CDH23: variants seen among roughly 807,000 people sequenced by gnomAD.
CDH23 encodes cadherin related 23, also known as cadherin-23.
In CDH23, 189 loss-of-function variants were observed where a neutral mutation model predicts 317.1. The ratio of observed to expected loss-of-function variants is 0.60; its 90% CI spans 0.53 to 0.67. CDH23 has a LOEUF of 0.67. Ranked by LOEUF, CDH23 falls within the 30% of genes least tolerant of loss-of-function variation. The probability of loss-of-function intolerance (pLI) is 0.00; values close to 1 mark genes in which losing one functional copy is unlikely to be tolerated. For synonymous variants in CDH23, 1,839 were observed against 1,876.8 expected, an observed-to-expected ratio of 0.98 and a Z score of 0.52; for missense variants, 4,401 against 4,592.4, an observed-to-expected ratio of 0.96 and a Z score of 1.20.
intron 14 of CDH23, among the ~76,000 whole-genome samples, chr10:71,656,611 G>A (rs1863428167): frequency 6.6e-6 from 1 of 152,188 alleles, no homozygotes; most frequent in South Asian, 2.1e-4. Flanking sequence ...GGAGTGCCAG[G>A]GCTGGGGTTG....
At chr10:71,715,614 C>A (rs1866179179) in intron 28 of CDH23, 2 of 246,570 alleles carry the variant, frequency 8.1e-6, no homozygotes, top group Non-Finnish European at 1.5e-5. Context: ...GAGGGTGCTG[C>A]TTCTAGGAGG....
chr10:71,790,220 A>T, intron 45 of CDH23, 68 bp from the exon 46 acceptor site: 1 of 1,579,850 alleles, frequency 6.3e-7, no homozygotes, highest in South Asian at 1.1e-5. Flanking sequence ...TCACCGGGAC[A>T]GGGCAGGGGA....
rs764824311 is a variant in CDH23 at position 71,511,002 on chromosome 10, G to A, written c.336+1G>A. On this transcript the variant is annotated splice_donor_variant, in intron 5 of 69. Transcript: ENST00000224721. LOFTEE classifies it high-confidence loss of function. ...GTTCTCTGTCAGCGACCACCAGGGGGTGAGTGTTCCCTGGGGCCCTGGAGG... is the reference window on the plus strand; with the variant it reads ...GTTCTCTGTCAGCGACCACCAGGGGATGAGTGTTCCCTGGGGCCCTGGAGG... 2.4e-5 allele frequency: 39 copies of A among 1,613,754 alleles called. No individual in the cohort carries two copies. Among genetic ancestry groups the A allele is most frequent in the Non-Finnish European group, 2.7e-5 (32 of 1,179,696 alleles).
At chr10:71,728,190 C>A (rs78865428) in intron 30 of CDH23, among the ~76,000 whole-genome samples, 5,321 of 151,960 alleles carry the variant, frequency 0.035, 170 homozygotes, top group Non-Finnish European at 0.049. Context: ...CATGCAAACT[C>A]CCCCCCGCAC....
intron 1 of CDH23, among the ~76,000 whole-genome samples, chr10:71,402,609 TTA>T (rs930087744): frequency 6.6e-6 from 1 of 152,248 alleles, no homozygotes; most frequent in African/African-American, 2.4e-5. Flanking sequence ...TTTGACTTAC[TTA>T]TATGTTAGGC....
At chr10:71,661,923 C>T (rs1332188873) in intron 14 of CDH23, among the ~76,000 whole-genome samples, 1 of 139,152 alleles carries the variant, frequency 7.2e-6, no homozygotes, top group Non-Finnish European at 1.6e-5. Context: ...TTCCACCCTG[C>T]GCGCCTCCTC....
chr10:71,610,370 T>G (rs1471917830), intron 9 of CDH23, among the ~76,000 whole-genome samples: 2 of 152,242 alleles, frequency 1.3e-5, no homozygotes, highest in African/African-American at 2.4e-5. Flanking sequence ...GATGATCTCT[T>G]ATTTGCCTCA....
rs374545987 is a variant in CDH23 at position 71,617,241 on chromosome 10, G to A, written c.982G>A (p.Ala328Thr). The change falls in exon 11 of 70, where the codon GCT (alanine) becomes ACT (threonine). Residue 328 changes from alanine (A) to threonine (T), a missense_variant. Ala to Thr is a moderately conservative substitution (Grantham distance 58). Around this residue, in one of 3 missense-constraint regions of CDH23, gnomAD observed 3,068 missense variants for 3,203.3 expected, o/e 0.96. Transcript: ENST00000224721. ...ELNDDRTPSD[A>T]TVTTTFNILV... Reference sequence around the variant, plus strand: ...GAACGATGACCGCACCCCATCTGACGCTACAGTCACCACGACCTTCAATAT... The same window carrying A: ...GAACGATGACCGCACCCCATCTGACACTACAGTCACCACGACCTTCAATAT... 77 of 1,613,924 alleles carry A rather than the reference G, an allele frequency of 4.8e-5. No homozygotes were observed. The East Asian group carries it at 6.9e-4, about 14-fold the overall frequency.
At chr10:71,603,796 A>C (rs1860375416) in intron 9 of CDH23, among the ~76,000 whole-genome samples, 1 of 152,228 alleles carries the variant, frequency 6.6e-6, no homozygotes, top group Non-Finnish European at 1.5e-5. Context: ...CTTAGTAACC[A>C]TGTATCCTTG....
chr10:71,730,659 G>C (rs936515568), intron 31 of CDH23, 55 bp downstream of exon 31: 12 of 1,603,122 alleles, frequency 7.5e-6, no homozygotes, highest in African/African-American at 1.3e-5. Context: ...AACCTCCCCA[G>C]CTCACCCAGC....
At chr10:71,605,972 C>T (rs1224233538) in intron 9 of CDH23, among the ~76,000 whole-genome samples, 1 of 152,224 alleles carries the variant, frequency 6.6e-6, no homozygotes, top group Non-Finnish European at 1.5e-5. Context: ...AAAACATCCT[C>T]AGAGGACCAG....
At chr10:71,798,252 G>A (rs1022158270) in intron 49 of CDH23, 102 bp from the exon 50 acceptor site, 22 of 819,138 alleles carry the variant, frequency 2.7e-5, no homozygotes, top group Non-Finnish European at 4.5e-5. Flanking sequence ...GGGGGGCTGT[G>A]GGATGCTGCC....
intron 31 of CDH23, among the ~76,000 whole-genome samples, chr10:71,730,835 A>G (rs916378023): frequency 2.6e-5 from 4 of 152,286 alleles, no homozygotes; most frequent in African/African-American, 7.2e-5. Flanking sequence ...GACAGAGGGG[A>G]GGCCACAAGC....
chr10:71,518,263 C>T (rs1854455870), intron 6 of CDH23, among the ~76,000 whole-genome samples: 1 of 152,202 alleles, frequency 6.6e-6, no homozygotes, highest in African/African-American at 2.4e-5. Flanking sequence ...GATAGACCTG[C>T]AGCATGTTCC....
intron 53 of CDH23, among the ~76,000 whole-genome samples, chr10:71,802,160 T>C (rs1409973432): frequency 6.6e-6 from 1 of 152,034 alleles, no homozygotes; most frequent in Non-Finnish European, 1.5e-5. Flanking sequence ...ATACAAAAAT[T>C]AGCCAGGCAT....
rs1227065 is a variant in CDH23 at position 71,732,322 on chromosome 10, A to G, written c.4051A>G (p.Asn1351Asp). 1,290,804 of 1,599,966 alleles carry G rather than the reference A, an allele frequency of 0.81. 521,105 individuals carry two copies. Among genetic ancestry groups the G allele is most frequent in the East Asian group, 0.83 (36,711 of 44,158 alleles). ...DNLNQITYRFNAYTSTQAKAL... is the reference protein window; with the variant it reads ...DNLNQITYRFDAYTSTQAKAL... Reference sequence around the variant, plus strand: ...CCTCAACCAAATCACGTACCGCTTCAACGCCTACACCAGCACCCAGGCCAA... The same window carrying G: ...CCTCAACCAAATCACGTACCGCTTCGACGCCTACACCAGCACCCAGGCCAA... Residue 1351 changes from asparagine to aspartate, a missense_variant, in exon 32 of 70, where the codon AAC becomes GAC. By Grantham distance (23) the Asn-to-Asp change is conservative. Transcript: ENST00000224721.
At chr10:71,443,907 G>T (rs1194975748) in intron 2 of CDH23, among the ~76,000 whole-genome samples, 1 of 152,278 alleles carries the variant, frequency 6.6e-6, no homozygotes, top group Non-Finnish European at 1.5e-5. Context: ...GGCGACCCAC[G>T]TCCCGGAGTC....
In CDH23 at chr10:71,694,179, G is replaced by C. The variant is rs1176503468; in HGVS notation, c.2209G>C (p.Glu737Gln). 6.2e-7 allele frequency: 1 copy of C among 1,613,656 alleles called. No individual in the cohort carries two copies. Among genetic ancestry groups the C allele is most frequent in the Non-Finnish European group, 8.5e-7 (1 of 1,179,886 alleles). Residue 737 changes from glutamate to glutamine, a missense_variant, in exon 21 of 70, where the codon GAG (glutamate) becomes CAG (glutamine). This residue lies in a region of CDH23 where 3,068 missense variants were observed against 3,203.3 expected (regional missense o/e 0.96). Coordinates refer to ENST00000224721, the MANE Select transcript of CDH23 (RefSeq NM_022124.6). The part of the protein sequence containing the change: ...EITTTSLLDR[E>Q]TKSEYILIVR... ...CACCACCACGTCTCTGCTTGACCGA[G>C]AGACCAAGTCTGAATACATCCTCAT...
chr10:71,549,121 T>C (rs1856445227), intron 6 of CDH23, among the ~76,000 whole-genome samples: 1 of 152,166 alleles, frequency 6.6e-6, no homozygotes, highest in South Asian at 2.1e-4. Flanking sequence ...TCAGCCAGGA[T>C]CTGACCCCTG....
Sources: allele counts gnomAD v4.1 joint callset (sites outside exome capture counted in the v4.1 genomes callset), GRCh38; gene constraint gnomAD v4.1.1; regional missense constraint gnomAD v4.1.1; transcripts MANE v1.5; gene names NCBI Gene and HGNC (gene_info 2026-07-23, HGNC 2026-07-21).